EIF2AK4: variants seen among roughly 807,000 people sequenced by gnomAD.
EIF2AK4 encodes eIF-2-alpha kinase GCN2.
A neutral mutation model predicts 211.1 loss-of-function variants in EIF2AK4; 139 were observed. The observed-to-expected ratio is 0.66, with a 90% CI of 0.57 to 0.76. The LOEUF is 0.76. Ranked by LOEUF, EIF2AK4 falls within the 30% of genes least tolerant of loss-of-function variation. The probability of loss-of-function intolerance (pLI) is 0.00; values close to 1 mark genes in which losing one functional copy is unlikely to be tolerated. For missense variants in EIF2AK4, 1,664 were observed against 2,043.8 expected (o/e 0.81, Z 3.58); for synonymous variants, 710 against 751.3 (o/e 0.94, Z 0.90).
chr15:40,019,067 C>G (rs2035348398), intron 29 of EIF2AK4, 26 bp from the exon 30 acceptor site: 3 of 1,526,706 alleles, frequency 2.0e-6, no homozygotes, highest in Non-Finnish European at 1.8e-6. Context: ...TATTTCATAA[C>G]CATAACTGTT....
chr15:39,957,852 A>G (rs945000431), intron 6 of EIF2AK4, among the ~76,000 whole-genome samples: 23 of 152,284 alleles, frequency 1.5e-4, no homozygotes, highest in Admixed American at 3.3e-4. Context: ...TCTGTGGGGT[A>G]TGTAAAAAAC....
intron 9 of EIF2AK4, among the ~76,000 whole-genome samples, chr15:39,969,722 T>C (rs2034597970): frequency 6.6e-6 from 1 of 152,162 alleles, no homozygotes; most frequent in South Asian, 2.1e-4. Flanking sequence ...CCTGGAGTGG[T>C]TTGATAGACT....
intron 9 of EIF2AK4, among the ~76,000 whole-genome samples, chr15:39,969,907 C>G (rs1365139268): frequency 6.6e-6 from 1 of 152,194 alleles, no homozygotes; most frequent in Non-Finnish European, 1.5e-5. Flanking sequence ...AAATCAGCCT[C>G]TGTGATGGGT....
At chr15:39,990,628 T>A (rs892844298) in intron 16 of EIF2AK4, among the ~76,000 whole-genome samples, 2 of 152,222 alleles carry the variant, frequency 1.3e-5, no homozygotes, top group African/African-American at 4.8e-5. Flanking sequence ...GTCAAAGGTG[T>A]ACAGTACTTT....
chr15:39,936,515 C>T (rs973852327), intron 1 of EIF2AK4, among the ~76,000 whole-genome samples: 32 of 152,264 alleles, frequency 2.1e-4, no homozygotes, highest in African/African-American at 6.3e-4. Flanking sequence ...CAGGTTCAAG[C>T]GATTCTTGTG....
intron 19 of EIF2AK4, 98 bp downstream of exon 19, chr15:39,997,163 A>G: frequency 1.1e-6 from 1 of 885,894 alleles, no homozygotes. Context: ...TATTTATAAT[A>G]TAGAAGAGGC....
intron 29 of EIF2AK4, among the ~76,000 whole-genome samples, chr15:40,017,551 A>ATATATATATATATATGTATATG (rs71132134): frequency 1.6e-4 from 14 of 87,076 alleles, no homozygotes; most frequent in African/African-American, 4.9e-4. Flanking sequence ...ATATATATAT[A>ATATATATATATATATGTATATG]TATGTATTTT....
Position 39,934,141 on chromosome 15 carries a change from C to G in EIF2AK4, c.-55C>G, listed in dbSNP as rs1471013550. On this transcript the variant is annotated 5_prime_UTR_variant, in exon 1 of 39. Transcript: ENST00000263791. The stretch of plus-strand genomic sequence containing the variant: ...GCGCGGAGCCCCGCCCCGCAGGCTG[C>G]CGGGGGCCCACCGCCGCCCAGGCAA... The G allele has an allele frequency of 1.6e-6, 2 of 1,251,360 alleles. No individual in the cohort carries two copies. The highest frequency in any genetic ancestry group is 3.2e-5 in the African/African-American group (2 of 61,868). 77.5% of individuals were successfully genotyped at this position (1,251,360 alleles called of 1,614,324 possible). A position where few individuals can be genotyped will look rare whatever the true frequency, so the allele number is the denominator to read the frequency against.
At chr15:39,990,181 T>A (rs940792320) in intron 15 of EIF2AK4, 92 bp from the exon 16 acceptor site, 2 of 1,271,698 alleles carry the variant, frequency 1.6e-6, no homozygotes, top group Non-Finnish European at 2.3e-6. Flanking sequence ...CCTCATACGA[T>A]TTTCATCGCT....
At chr15:39,973,090 C>G in intron 10 of EIF2AK4, 76 bp downstream of exon 10, 1 of 1,152,874 alleles carries the variant, frequency 8.7e-7, no homozygotes, top group Non-Finnish European at 1.3e-6. Flanking sequence ...AAACCAAAAA[C>G]TGGAAGGGGC....
At position 39,939,637 on chromosome 15, in the gene EIF2AK4, G is replaced by T; in HGVS notation, c.257+20G>T. The stretch of plus-strand genomic sequence containing the variant: ...AGATGTGTGAGTACATTTATAAATA[G>T]CTTTGACGTGGTTTCAGTTTTCTGT... On this transcript the variant is annotated intron_variant, in intron 2 of 38. Transcript: ENST00000263791. The T allele has an allele frequency of 6.4e-7, 1 of 1,564,644 alleles. No individual in the cohort carries two copies. The highest frequency in any genetic ancestry group is 8.7e-7 in the Non-Finnish European group (1 of 1,148,250).
At chr15:39,976,997 C>G in intron 12 of EIF2AK4, 153 bp downstream of exon 12, 1 of 1,022,358 alleles carries the variant, frequency 9.8e-7, no homozygotes, top group Non-Finnish European at 1.3e-6. Flanking sequence ...GTCACCCAGG[C>G]TGGAGGTCAG....
chr15:40,030,974 T>A (rs1025806935), intron 35 of EIF2AK4, among the ~76,000 whole-genome samples: 2 of 152,210 alleles, frequency 1.3e-5, no homozygotes, highest in Admixed American at 1.3e-4. Context: ...GTGCGGTGGC[T>A]TATGCCTGTA....
chr15:40,016,070 G>A (rs2035299178), intron 27 of EIF2AK4, among the ~76,000 whole-genome samples: 1 of 152,182 alleles, frequency 6.6e-6, no homozygotes, highest in South Asian at 2.1e-4. Flanking sequence ...CCAAGGAAGG[G>A]AATTTCTAGC....
chr15:40,004,809 G>A (rs918305309), intron 23 of EIF2AK4, among the ~76,000 whole-genome samples: 2 of 152,068 alleles, frequency 1.3e-5, no homozygotes, highest in African/African-American at 4.8e-5. Flanking sequence ...TTCTGCCTCA[G>A]CCTCCCAAAA....
rs200035821 is a variant in EIF2AK4 at position 39,967,593 on chromosome 15, C to T, written c.1267C>T (p.His423Tyr). ...LDYLHSNSVV[H>Y]KVLSASNVLV... The stretch of plus-strand genomic sequence containing the variant: ...TTATCTGCACAGCAATTCTGTGGTG[C>T]ATAAGGTCCTGAGTGCATCTAATGT... The change falls in exon 9 of 39, where the codon CAT becomes TAT. Residue 423 changes from histidine (H) to tyrosine (Y), a missense_variant. His to Tyr is a moderately conservative substitution (Grantham distance 83). Transcript: ENST00000263791. 6.2e-7 allele frequency: 1 copy of T among 1,614,054 alleles called. No homozygotes were observed. The highest frequency in any genetic ancestry group is 2.2e-5 in the East Asian group (1 of 44,882).
intron 6 of EIF2AK4, among the ~76,000 whole-genome samples, chr15:39,957,906 G>C (rs1380474071): frequency 1.3e-5 from 2 of 152,166 alleles, no homozygotes; most frequent in Admixed American, 6.5e-5. Flanking sequence ...CTGAAAAGAA[G>C]AGAAAGAGAG....
chr15:40,017,551 ATATGTAT>A (rs2035326941), intron 29 of EIF2AK4, among the ~76,000 whole-genome samples: 5 of 87,060 alleles, frequency 5.7e-5, no homozygotes, highest in Admixed American at 1.3e-4. Context: ...ATATATATAT[ATATGTAT>A]TTTGGAGACA....
chr15:39,986,691 T>C (rs1334432121), intron 14 of EIF2AK4, among the ~76,000 whole-genome samples: 1 of 152,136 alleles, frequency 6.6e-6, no homozygotes, highest in Non-Finnish European at 1.5e-5. Flanking sequence ...CCGTTACTAC[T>C]AAAAATACAA....
Sources: gnomAD v4.1 joint callset for allele counts (sites outside exome capture counted in the v4.1 genomes callset) on GRCh38, gnomAD v4.1.1 for gene constraint, MANE v1.5 for transcripts, NCBI Gene and HGNC (gene_info 2026-07-23, HGNC 2026-07-21) for gene names.